Variants in GPC5 observed in about 807,000 individuals in gnomAD.
The protein encoded by GPC5 is glypican-5.
In GPC5, 47 loss-of-function variants were observed where a neutral mutation model predicts 53.9. That is an observed-to-expected ratio of 0.87 (90% CI 0.69 to 1.11). GPC5 has a LOEUF of 1.11. Ranked by LOEUF, GPC5 falls within the 50% of genes most tolerant of loss-of-function variation. The probability of loss-of-function intolerance (pLI) is 0.00; values close to 1 mark genes in which losing one functional copy is unlikely to be tolerated. For synonymous variants in GPC5, 286 were observed against 263.3 expected, an observed-to-expected ratio of 1.09 and a Z score of -0.84; for missense variants, 748 against 713.1, an observed-to-expected ratio of 1.05 and a Z score of -0.56.
intron 7 of GPC5, among the ~76,000 whole-genome samples, chr13:92,359,366 T>C (rs2043547737): frequency 6.6e-6 from 1 of 151,614 alleles, no homozygotes; most frequent in Admixed American, 6.6e-5. Context: ...AGCATTTTGG[T>C]CACAACAATT....
At chr13:92,493,978 A>T (rs1157105247) in intron 7 of GPC5, among the ~76,000 whole-genome samples, 3 of 152,222 alleles carry the variant, frequency 2.0e-5, no homozygotes, top group African/African-American at 7.2e-5. Flanking sequence ...CAAAAATATA[A>T]TTCACAATTC....
At chr13:92,282,597 A>G (rs1417719309) in intron 7 of GPC5, among the ~76,000 whole-genome samples, 1 of 152,048 alleles carries the variant, frequency 6.6e-6, no homozygotes, top group African/African-American at 2.4e-5. Flanking sequence ...AATATTCAAC[A>G]TTCTTAAAGA....
intron 7 of GPC5, chr13:92,447,928 C>A (rs924752867): frequency 6.6e-6 from 1 of 152,048 alleles, no homozygotes. Flanking sequence ...TTCTTTTCTC[C>A]CAATTTGTTC....
At chr13:92,777,814 G>A (rs972271622) in intron 7 of GPC5, among the ~76,000 whole-genome samples, 2 of 152,104 alleles carry the variant, frequency 1.3e-5, no homozygotes, top group African/African-American at 2.4e-5. Context: ...ATAATTTATG[G>A]CCTGCCTCTA....
intron 4 of GPC5, among the ~76,000 whole-genome samples, chr13:91,737,193 G>C (rs2036835253): frequency 6.6e-6 from 1 of 151,350 alleles, no homozygotes. Flanking sequence ...AGGAAAAAGT[G>C]GTCTGTTTTG....
chr13:91,961,963 T>G (rs1027164851), intron 6 of GPC5, among the ~76,000 whole-genome samples: 2 of 152,186 alleles, frequency 1.3e-5, no homozygotes, highest in African/African-American at 4.8e-5. Flanking sequence ...TAACTTTTTC[T>G]ATATCTACAT....
chr13:92,341,661 G>T (rs2139249607), intron 7 of GPC5, among the ~76,000 whole-genome samples: 2 of 152,148 alleles, frequency 1.3e-5, no homozygotes, highest in East Asian at 3.9e-4. Context: ...AGGTGCAGTG[G>T]CTCATGCTTG....
At chr13:91,613,213 T>C (rs2033605924) in intron 2 of GPC5, among the ~76,000 whole-genome samples, 1 of 152,198 alleles carries the variant, frequency 6.6e-6, no homozygotes, top group Admixed American at 6.5e-5. Context: ...CGGCAATTTA[T>C]AAAGGAAAGA....
At chr13:92,737,821 C>T (rs1272255492) in intron 7 of GPC5, among the ~76,000 whole-genome samples, 2 of 119,992 alleles carry the variant, frequency 1.7e-5, no homozygotes, top group African/African-American at 6.5e-5. Flanking sequence ...GGCTGGAGTA[C>T]AATGGCGTGA....
chr13:91,498,475 G>A (rs1180436275), intron 2 of GPC5, among the ~76,000 whole-genome samples: 3 of 152,034 alleles, frequency 2.0e-5, no homozygotes, highest in Non-Finnish European at 4.4e-5. Context: ...TATGTAAGAA[G>A]GGAAGGGGAA....
At chr13:92,586,174 C>T (rs1883532492) in intron 7 of GPC5, among the ~76,000 whole-genome samples, 1 of 152,146 alleles carries the variant, frequency 6.6e-6, no homozygotes, top group Non-Finnish European at 1.5e-5. Context: ...GTCAAGCTTG[C>T]CAAATATTTT....
At chr13:91,593,073 G>T (rs894496386) in intron 2 of GPC5, among the ~76,000 whole-genome samples, 1 of 152,190 alleles carries the variant, frequency 6.6e-6, no homozygotes, top group African/African-American at 2.4e-5. Context: ...ACCCACATCA[G>T]CCTAGATGTC....
chr13:92,804,283 C>CT (rs1318189755), intron 7 of GPC5, among the ~76,000 whole-genome samples: 1 of 151,828 alleles, frequency 6.6e-6, no homozygotes, highest in Non-Finnish European at 1.5e-5. Context: ...ATCAGTATGT[C>CT]TGGGTTTGGG....
intron 2 of GPC5, among the ~76,000 whole-genome samples, chr13:91,535,179 G>A (rs954501465): frequency 1.3e-5 from 2 of 151,980 alleles, no homozygotes; most frequent in Non-Finnish European, 2.9e-5. Context: ...TTTCTCTCTT[G>A]TTTCTCTGAC....
intron 6 of GPC5, among the ~76,000 whole-genome samples, chr13:91,922,824 T>G (rs1305942978): frequency 6.6e-6 from 1 of 152,184 alleles, no homozygotes; most frequent in Non-Finnish European, 1.5e-5. Flanking sequence ...CTTTTCTATC[T>G]GAATGTTGAG....
chr13:92,543,562 A>G (rs1157761464), intron 7 of GPC5, among the ~76,000 whole-genome samples: 2 of 151,960 alleles, frequency 1.3e-5, no homozygotes, highest in Non-Finnish European at 2.9e-5. Context: ...CAATGGCACC[A>G]TTTTCCTAGG....
At chr13:92,556,241 G>A (rs118097553) in intron 7 of GPC5, among the ~76,000 whole-genome samples, 2,591 of 151,808 alleles carry the variant, frequency 0.017, 33 homozygotes, top group Non-Finnish European at 0.024. Flanking sequence ...GTAAAACAAT[G>A]TATACATCTG....
intron 3 of GPC5, among the ~76,000 whole-genome samples, chr13:91,721,021 A>G (rs757965262): frequency 1.3e-5 from 2 of 152,096 alleles, no homozygotes; most frequent in Non-Finnish European, 2.9e-5. Context: ...TCATAGCTGG[A>G]TTCACTATTT....
At chr13:92,402,175 G>C (rs1410144727) in intron 7 of GPC5, among the ~76,000 whole-genome samples, 1 of 152,096 alleles carries the variant, frequency 6.6e-6, no homozygotes, top group South Asian at 2.1e-4. Flanking sequence ...AAATTAGCCA[G>C]TATTGGATAA....
Sources: gnomAD v4.1 joint callset for allele counts (sites outside exome capture counted in the v4.1 genomes callset) on GRCh38, gnomAD v4.1.1 for gene constraint, MANE v1.5 for transcripts, NCBI Gene and HGNC (gene_info 2026-07-23, HGNC 2026-07-21) for gene names.